The following LSM7 variants were observed in gnomAD, a reference collection of about 807,000 sequenced individuals.
LSM7 encodes the protein U6 snRNA-associated Sm-like protein LSm7.
Under a neutral mutation model 14.1 loss-of-function variants are expected in LSM7, and 13 were observed. The ratio of observed to expected loss-of-function variants is 0.92; its 90% confidence interval spans 0.60 to 1.47. The LOEUF is 1.47. LSM7 is among the 40% of genes most tolerant of loss of function. The pLI is 0.00. For missense variants in LSM7, 108 were observed against 140.8 expected, an observed-to-expected ratio of 0.77 and a Z score of 1.18; for synonymous variants, 70 against 57.1, an observed-to-expected ratio of 1.23 and a Z score of -1.02.
intron 2 of LSM7, among the ~76,000 whole-genome samples, chr19:2,327,038 T>G (rs1456725246): frequency 6.6e-6 from 1 of 152,180 alleles, no homozygotes; most frequent in Admixed American, 6.5e-5. Context: ...CAACCCTCAG[T>G]TACAACCTCC....
chr19:2,321,960 G>T lies in LSM7; in HGVS notation c.170-138C>A. ...AGCACGCAGGGACCTCAGACGGGAT[G>T]CGCTCTGTGGGGCAGGTCCCCGGCT... On this transcript the variant is annotated intron_variant, in intron 3 of 3. Transcript: ENST00000252622. This position sits in a 1 kb window ranked among gnomAD's most constrained non-coding sequence, Gnocchi z 5.0. 1.3e-6 allele frequency: 1 copy of T among 772,234 alleles called. No homozygotes were observed. Among genetic ancestry groups the T allele is most frequent in the East Asian group, 3.4e-5 (1 of 29,418 alleles). 47.8% of individuals were successfully genotyped at this position (772,234 alleles called of 1,614,324 possible).
chr19:2,321,827 G>A lies in LSM7; in HGVS notation c.170-5C>T, dbSNP rs769021136. The A allele has an allele frequency of 4.1e-6, 6 of 1,462,498 alleles. No homozygotes were observed. The highest frequency in any genetic ancestry group is 2.5e-5 in the Admixed American group (1 of 39,974). The allele number at this position is 1,462,498 out of a possible 1,614,324, so 90.6% of individuals were successfully genotyped here. On this transcript the variant is annotated splice_region_variant and splice_polypyrimidine_tract_variant and intron_variant, in intron 3 of 3. Transcript: ENST00000252622. The surrounding 1 kb of genome is among the most constrained non-coding windows in gnomAD (Gnocchi z 5.0). ...GCTTGTACTGGTCGTCAGGGTCTGG[G>A]GAGGAGCAGATAGAGAGGACTGAGG...
intron 2 of LSM7, among the ~76,000 whole-genome samples, chr19:2,326,357 T>TGTGTGTGTGTGTGTGTGTG (rs59241132): frequency 6.6e-6 from 1 of 150,392 alleles, no homozygotes; most frequent in Admixed American, 6.6e-5. Flanking sequence ...TGTGTGTGTG[T>TGTGTGTGTGTGTGTGTGTG]TTGAGATGGA....
chr19:2,326,582 C>A (rs1371196420), intron 2 of LSM7, among the ~76,000 whole-genome samples: 1 of 151,426 alleles, frequency 6.6e-6, no homozygotes, highest in Non-Finnish European at 1.5e-5. Context: ...GTGATCTGCC[C>A]GCCTCAGCCT....
chr19:2,325,582 T>C (rs1356127486), intron 2 of LSM7, among the ~76,000 whole-genome samples: 2 of 152,202 alleles, frequency 1.3e-5, no homozygotes, highest in African/African-American at 4.8e-5. Context: ...TCTGCCTGCC[T>C]GTCTCCTCCC....
rs1429803002 is a variant in LSM7 at position 2,328,571 on chromosome 19, T to TCG, written c.-7_-6dup. 6.3e-7 allele frequency: 1 copy of TCG among 1,582,666 alleles called. No homozygotes were observed. The highest frequency in any genetic ancestry group is 1.1e-5 in the South Asian group (1 of 88,098). ...CCGCCGCGCGCTCACCGCCATCTTG[T>TCG]CGCGCCGTGTGGCTCTTCGCAGGCA... On this transcript the variant is annotated 5_prime_UTR_variant, in exon 1 of 4. Coordinates refer to ENST00000252622, the MANE Select transcript of LSM7 (RefSeq NM_016199.3).
chr19:2,323,575 C>A (rs377569578), intron 3 of LSM7, among the ~76,000 whole-genome samples: 5 of 152,262 alleles, frequency 3.3e-5, no homozygotes, highest in Middle Eastern at 3.4e-3. Flanking sequence ...GTCAGCCTCC[C>A]GAGCAGCTGG....
chr19:2,328,071 A>C, intron 2 of LSM7: 1 of 240,510 alleles, frequency 4.2e-6, no homozygotes, highest in Non-Finnish European at 8.2e-6. Flanking sequence ...GCTTGAGGCC[A>C]GGAGTTTGAG....
At chr19:2,324,237 G>C in intron 2 of LSM7, 41 bp from the exon 3 acceptor site, 1 of 1,496,526 alleles carries the variant, frequency 6.7e-7, no homozygotes, top group Non-Finnish European at 9.1e-7. Flanking sequence ...GAAGGCATGA[G>C]ATCCGTCCTG....
At chr19:2,324,251 G>T (rs371092273) in intron 2 of LSM7, 55 bp from the exon 3 acceptor site, 1 of 1,387,658 alleles carries the variant, frequency 7.2e-7, no homozygotes, top group Non-Finnish European at 1.0e-6. Flanking sequence ...CGTCCTGGGC[G>T]CAGGGCCCGC....
Position 2,321,939 on chromosome 19 carries a change from C to A in LSM7, c.170-117G>T. On this transcript the variant is annotated intron_variant, in intron 3 of 3. Transcript: ENST00000252622. The surrounding 1 kb of genome is among the most constrained non-coding windows in gnomAD (Gnocchi z 5.0). ...CTGCACCCTGCAGGCGCCACGAGCA[C>A]GCAGGGACCTCAGACGGGATGCGCT... The A allele has an allele frequency of 4.1e-6, 4 of 976,808 alleles. No individual in the cohort carries two copies. Among genetic ancestry groups the A allele is most frequent in the Non-Finnish European group, 5.5e-6 (4 of 729,536 alleles). The allele number at this position is 976,808 out of a possible 1,614,324, so 60.5% of individuals were successfully genotyped here. A position where few individuals can be genotyped will look rare whatever the true frequency, so the allele number is the denominator to read the frequency against.
Position 2,324,119 on chromosome 19 carries a change from A to G in LSM7, c.169+6T>C, listed in dbSNP as rs773564895. On this transcript the variant is annotated splice_donor_region_variant and intron_variant, in intron 3 of 3. Coordinates refer to ENST00000252622, the MANE Select transcript of LSM7 (RefSeq NM_016199.3). ...CGCTGCCTGCCTCGGCCGCCACCCCACTCACCTCGCATGTACTCAATGGTG... is the reference window on the plus strand; with the variant it reads ...CGCTGCCTGCCTCGGCCGCCACCCCGCTCACCTCGCATGTACTCAATGGTG... 4 of 1,267,726 alleles carry G rather than the reference A, an allele frequency of 3.2e-6. No individual in the cohort carries two copies. In the African/African-American group the frequency reaches 8.1e-5, roughly 26 times the overall value. The allele number at this position is 1,267,726 out of a possible 1,614,324, so 78.5% of individuals were successfully genotyped here. A position where few individuals can be genotyped will look rare whatever the true frequency, so the allele number is the denominator to read the frequency against.
chr19:2,323,269 A>G (rs534261658), intron 3 of LSM7, among the ~76,000 whole-genome samples: 1 of 152,244 alleles, frequency 6.6e-6, no homozygotes, highest in Non-Finnish European at 1.5e-5. Context: ...GGAATTAACA[A>G]GGGCAGAAGA....
At chr19:2,327,710 G>A (rs983092652) in intron 2 of LSM7, among the ~76,000 whole-genome samples, 2 of 152,166 alleles carry the variant, frequency 1.3e-5, no homozygotes, top group African/African-American at 2.4e-5. Flanking sequence ...CTGGGGCACT[G>A]TGATTTTTAA....
At chr19:2,326,564 G>A (rs578051448) in intron 2 of LSM7, among the ~76,000 whole-genome samples, 1 of 152,262 alleles carries the variant, frequency 6.6e-6, no homozygotes. Context: ...TCAAACTCCT[G>A]AACTCAAGTG....
intron 3 of LSM7, among the ~76,000 whole-genome samples, chr19:2,323,285 G>C (rs1967961925): frequency 6.6e-6 from 1 of 152,162 alleles, no homozygotes; most frequent in Admixed American, 6.5e-5. Flanking sequence ...GAAGAGGAAA[G>C]GCGCCCGAGA....
intron 3 of LSM7, among the ~76,000 whole-genome samples, chr19:2,322,695 G>A (rs1363351562): frequency 6.6e-6 from 1 of 152,168 alleles, no homozygotes; most frequent in Non-Finnish European, 1.5e-5. Context: ...GGGGGCATGG[G>A]AGAACCATGG....
chr19:2,328,181 A>G lies in LSM7; in HGVS notation c.97+206T>C. On this transcript the variant is annotated intron_variant, in intron 2 of 3. Transcript: ENST00000252622. ...GCTACTCGGGAGGCTGAGGCACAAG[A>G]ATCACTTGAACCTGGGAGGCGGAGG... is the stretch of plus-strand genomic sequence containing the variant. 5.5e-6 allele frequency: 3 copies of G among 546,454 alleles called. No individual in the cohort carries two copies. The South Asian group carries it at 7.0e-5, about 13-fold the overall frequency. The allele number at this position is 546,454 out of a possible 1,614,324, so 33.9% of individuals were successfully genotyped here. A position where few individuals can be genotyped will look rare whatever the true frequency, so the allele number is the denominator to read the frequency against.
intron 2 of LSM7, among the ~76,000 whole-genome samples, chr19:2,326,547 G>A (rs1230691128): frequency 6.6e-6 from 1 of 152,218 alleles, no homozygotes; most frequent in African/African-American, 2.4e-5. Flanking sequence ...TGTAGGCCAG[G>A]CTGGTCTCAA....
Sources: gnomAD v4.1 joint callset for allele counts (sites outside exome capture counted in the v4.1 genomes callset) on GRCh38, gnomAD v4.1.1 for gene constraint, Gnocchi (gnomAD v3.1) non-coding constraint, MANE v1.5 for transcripts, NCBI Gene and HGNC (gene_info 2026-07-23, HGNC 2026-07-21) for gene names.